Variants in POC1A observed in about 807,000 individuals in gnomAD.
POC1A encodes the protein POC1 centriolar protein homolog A.
In POC1A, 34 loss-of-function variants were observed where a neutral mutation model predicts 47.8. The observed-to-expected ratio is 0.71, with a 90% CI of 0.54 to 0.95. The LOEUF (loss-of-function observed/expected upper bound fraction) is 0.95, where lower values mean the gene tolerates loss of function less well. Among genes scored for constraint, POC1A ranks in the 40% least tolerant of loss-of-function variants. POC1A has a pLI of 0.00. For synonymous variants in POC1A, 177 were observed against 207.6 expected (o/e 0.85, Z 1.27); for missense variants, 466 against 528.3 (o/e 0.88, Z 1.16).
At chr3:52,120,186 C>T (rs1183998774) in intron 9 of POC1A, among the ~76,000 whole-genome samples, 1 of 152,190 alleles carries the variant, frequency 6.6e-6, no homozygotes, top group Non-Finnish European at 1.5e-5. Context: ...GGTTGCACAA[C>T]ACTGAGAATA....
rs532066879 is a variant in POC1A at position 52,079,429 on chromosome 3, A to C, written c.1126-3444T>G. Among the ~76,000 whole-genome samples, 42 of 152,342 alleles carry C rather than the reference A, an allele frequency of 2.8e-4. No individual in the cohort carries two copies. The highest frequency in any genetic ancestry group is 7.7e-4 in the African/African-American group (32 of 41,576). ...TGGAGGGTGAGGAGGAGCGCTCTGCAGGCAAATACCTCTGCGGCCTCCCCG... is the reference window on the plus strand; with the variant it reads ...TGGAGGGTGAGGAGGAGCGCTCTGCCGGCAAATACCTCTGCGGCCTCCCCG... On this transcript the variant is annotated intron_variant, in intron 10 of 10. Coordinates refer to ENST00000296484, the MANE Select transcript of POC1A (RefSeq NM_015426.5). This position sits in a 1 kb window ranked among gnomAD's most constrained non-coding sequence, Gnocchi z 4.6.
At chr3:52,135,560 G>A (rs534799124) in intron 7 of POC1A, among the ~76,000 whole-genome samples, 1 of 152,302 alleles carries the variant, frequency 6.6e-6, no homozygotes, top group South Asian at 2.1e-4. Context: ...CCCATTAGCT[G>A]ATTCTGAATC....
intron 6 of POC1A, among the ~76,000 whole-genome samples, chr3:52,144,684 A>T (rs914352720): frequency 6.6e-6 from 1 of 152,202 alleles, no homozygotes. Context: ...GGCCCCACAG[A>T]GTCAAATGAC....
chr3:52,150,937 C>T, intron 2 of POC1A, 79 bp downstream of exon 2: 2 of 1,306,356 alleles, frequency 1.5e-6, no homozygotes, highest in South Asian at 1.2e-5. Context: ...GCTCTGCTTC[C>T]CACCCACCAC....
rs1289679192 is a variant in POC1A, at chr3:52,117,290, C to A, written c.981+5089G>T. 1.3e-5 allele frequency among the ~76,000 whole-genome samples: 2 copies of A among 152,002 alleles called. 1 individual carries two copies. The highest frequency in any genetic ancestry group is 4.8e-5 in the African/African-American group (2 of 41,382). Reference sequence around the variant, plus strand: ...ATCGCTTCAGCCTGGGAGGTTGAAGCTGCAGTGAGCCACAATTGCGCCACT... The same window carrying A: ...ATCGCTTCAGCCTGGGAGGTTGAAGATGCAGTGAGCCACAATTGCGCCACT... On this transcript the variant is annotated intron_variant, in intron 9 of 10. Transcript: ENST00000296484.
chr3:52,122,744 C>T (rs1003555537), intron 8 of POC1A, among the ~76,000 whole-genome samples: 3 of 152,232 alleles, frequency 2.0e-5, no homozygotes, highest in African/African-American at 7.2e-5. Flanking sequence ...TGGTTCACCT[C>T]CCTAGGGTGT....
At position 52,084,665 on chromosome 3, in the gene POC1A, C is replaced by T. The variant is rs1015236090; in HGVS notation, c.1126-8680G>A. ...GAGGCTTCCCCAGTCCATCCCCCTG[C>T]CCCCCCAGCTCTGGGGCAGCCCCTC... is the stretch of plus-strand genomic sequence containing the variant. On this transcript the variant is annotated intron_variant, in intron 10 of 10. Coordinates refer to ENST00000296484, the MANE Select transcript of POC1A (RefSeq NM_015426.5). This position sits in a 1 kb window ranked among gnomAD's most constrained non-coding sequence, Gnocchi z 4.3. Among the ~76,000 whole-genome samples, 2 of 152,174 alleles carry T rather than the reference C, an allele frequency of 1.3e-5. No homozygotes were observed. Among genetic ancestry groups the T allele is most frequent in the African/African-American group, 4.8e-5 (2 of 41,444 alleles).
At chr3:52,138,011 C>T (rs1385459916) in intron 7 of POC1A, among the ~76,000 whole-genome samples, 158 bp downstream of exon 7, 1 of 152,210 alleles carries the variant, frequency 6.6e-6, no homozygotes, top group Non-Finnish European at 1.5e-5. Context: ...CTGCACCAGT[C>T]CCAGGCCCAG....
Position 52,075,777 on chromosome 3 carries a change from G to A in POC1A, c.*110C>T, listed in dbSNP as rs373102688. 8.7e-5 allele frequency: 72 copies of A among 827,990 alleles called. 1 individual carries two copies. In the African/African-American group the frequency reaches 9.8e-4, roughly 11 times the overall value. 51.3% of individuals were successfully genotyped at this position (827,990 alleles called of 1,614,324 possible). A position where few individuals can be genotyped will look rare whatever the true frequency, so the allele number is the denominator to read the frequency against. ...CTGCAAAAATCCAGGGCTCCAGTAT[G>A]GATGTGATTCCCACAGAGTTCAGTC... is the stretch of plus-strand genomic sequence containing the variant. On this transcript the variant is annotated 3_prime_UTR_variant, in exon 11 of 11. Coordinates refer to ENST00000296484, the MANE Select transcript of POC1A (RefSeq NM_015426.5).
At chr3:52,141,072 A>G (rs1698177353) in intron 6 of POC1A, among the ~76,000 whole-genome samples, 1 of 152,210 alleles carries the variant, frequency 6.6e-6, no homozygotes, top group African/African-American at 2.4e-5. Context: ...CACTCCAAAG[A>G]GAGAACTCTG....
intron 9 of POC1A, among the ~76,000 whole-genome samples, chr3:52,100,589 G>A (rs1702964483): frequency 6.6e-6 from 1 of 152,172 alleles, no homozygotes; most frequent in Non-Finnish European, 1.5e-5. Context: ...ATGAGGAGAA[G>A]AGACGCCAAA....
At chr3:52,149,173 G>C (rs1290281544) in intron 4 of POC1A, 37 bp downstream of exon 4, 2 of 1,600,706 alleles carry the variant, frequency 1.2e-6, no homozygotes, top group African/African-American at 2.7e-5. Flanking sequence ...CAACCCCCAG[G>C]GTTCCTCCAA....
At chr3:52,088,280 T>C (rs1452302254) in intron 10 of POC1A, among the ~76,000 whole-genome samples, 1 of 152,096 alleles carries the variant, frequency 6.6e-6, no homozygotes, top group African/African-American at 2.4e-5. Context: ...CATCCACTGA[T>C]CCACAGTGGG....
At chr3:52,106,010 C>T (rs1577845501) in intron 9 of POC1A, among the ~76,000 whole-genome samples, 2 of 151,900 alleles carry the variant, frequency 1.3e-5, no homozygotes, top group East Asian at 1.9e-4. Context: ...CTGGCTAACA[C>T]GGTGAAACCC....
chr3:52,132,348 C>A (rs914618995), intron 7 of POC1A, among the ~76,000 whole-genome samples: 4 of 152,104 alleles, frequency 2.6e-5, no homozygotes, highest in African/African-American at 9.7e-5. Flanking sequence ...TGGGTGGGTA[C>A]AAACTGTTTG....
At chr3:52,097,152 C>T (rs1413883890) in intron 9 of POC1A, among the ~76,000 whole-genome samples, 1 of 152,250 alleles carries the variant, frequency 6.6e-6, no homozygotes, top group Non-Finnish European at 1.5e-5. Context: ...AACTCTAATT[C>T]CCCACCCTTC....
chr3:52,105,827 G>A (rs1237773230), intron 9 of POC1A, among the ~76,000 whole-genome samples: 2 of 152,204 alleles, frequency 1.3e-5, no homozygotes, highest in Non-Finnish European at 2.9e-5. Context: ...CTTTCATCTA[G>A]GGGGTATGAA....
intron 10 of POC1A, among the ~76,000 whole-genome samples, chr3:52,078,831 C>T (rs534501564): frequency 2.7e-4 from 41 of 152,366 alleles, no homozygotes; most frequent in Middle Eastern, 3.4e-3. Context: ...TGCTGGTGTG[C>T]CTTCCCTCTA....
intron 6 of POC1A, among the ~76,000 whole-genome samples, chr3:52,141,419 G>A (rs1225672708): frequency 6.6e-6 from 1 of 152,208 alleles, no homozygotes; most frequent in African/African-American, 2.4e-5. Context: ...TTTCCCCAGG[G>A]TGGTCTCTTG....
Sources: gnomAD v4.1 joint callset for allele counts (sites outside exome capture counted in the v4.1 genomes callset) on GRCh38, gnomAD v4.1.1 for gene constraint, Gnocchi (gnomAD v3.1) non-coding constraint, MANE v1.5 for transcripts, NCBI Gene and HGNC (gene_info 2026-07-23, HGNC 2026-07-21) for gene names.